JARID2: variants seen among roughly 807,000 people sequenced by gnomAD.
JARID2 encodes protein Jumonji.
JARID2 carries 21 observed loss-of-function variants against 125.6 expected under a neutral mutation model. The observed-to-expected ratio is 0.17, with a 90% confidence interval of 0.12 to 0.24. The LOEUF is 0.24. Among genes scored for constraint, JARID2 ranks in the 10% least tolerant of loss-of-function variants. The pLI is 1.00. For synonymous variants in JARID2, 736 were observed against 661.6 expected (o/e 1.11, Z -1.73); for missense variants, 1,303 against 1,639.6 (o/e 0.79, Z 3.55).
chr6:15,282,842 C>T (rs900452884), intron 1 of JARID2, among the ~76,000 whole-genome samples: 11 of 152,206 alleles, frequency 7.2e-5, no homozygotes, highest in South Asian at 2.1e-4. Context: ...CTCAAGTGAT[C>T]GGTCCACCTC....
At chr6:15,341,826 A>T (rs1015653509) in intron 1 of JARID2, among the ~76,000 whole-genome samples, 3 of 152,242 alleles carry the variant, frequency 2.0e-5, no homozygotes, top group Non-Finnish European at 2.9e-5. Context: ...ATAGTTTAAT[A>T]TTATGGGAGG....
intron 1 of JARID2, among the ~76,000 whole-genome samples, chr6:15,345,642 G>C (rs1349511587): frequency 6.6e-6 from 1 of 152,120 alleles, no homozygotes; most frequent in Admixed American, 6.5e-5. Context: ...AAGACCATAA[G>C]TGCATTTTAT....
At chr6:15,396,215 T>TAAAACACCAAA (rs563578458) in intron 2 of JARID2, among the ~76,000 whole-genome samples, 1 of 152,316 alleles carries the variant, frequency 6.6e-6, no homozygotes, top group East Asian at 1.9e-4. Flanking sequence ...AAGCCAACAA[T>TAAAACACCAAA]ATATATTGAA....
chr6:15,326,483 G>A (rs764075308), intron 1 of JARID2, among the ~76,000 whole-genome samples: 4 of 152,140 alleles, frequency 2.6e-5, no homozygotes, highest in Non-Finnish European at 5.9e-5. Flanking sequence ...GAGCCACCAC[G>A]CCTGGCCTGT....
At position 15,484,225 on chromosome 6, in the gene JARID2, G is replaced by T. The variant is rs73724418; in HGVS notation, c.671-3082G>T. Reference sequence around the variant, plus strand: ...TGTATTTCTTTTTGCTCAGGCAGGTGATTAGCTACTCCTCTTTTTCCCATG... The same window carrying T: ...TGTATTTCTTTTTGCTCAGGCAGGTTATTAGCTACTCCTCTTTTTCCCATG... On this transcript the variant is annotated intron_variant, in intron 5 of 17. Coordinates refer to ENST00000341776, the MANE Select transcript of JARID2 (RefSeq NM_004973.4). Among the ~76,000 whole-genome samples, 354 of 152,338 alleles carry T rather than the reference G, an allele frequency of 2.3e-3. 3 individuals are homozygous for T. The highest frequency in any genetic ancestry group is 8.0e-3 in the African/African-American group (331 of 41,576).
intron 5 of JARID2, among the ~76,000 whole-genome samples, chr6:15,469,347 C>CTCTCTCTCTCCTG (rs1768932016): frequency 2.8e-5 from 1 of 36,118 alleles, no homozygotes; most frequent in South Asian, 1.4e-3. Flanking sequence ...CTGTCTCTCT[C>CTCTCTCTCTCCTG]TCTCTCTCTC....
intron 2 of JARID2, among the ~76,000 whole-genome samples, chr6:15,402,082 C>T (rs904202924): frequency 6.6e-6 from 1 of 152,084 alleles, no homozygotes; most frequent in Non-Finnish European, 1.5e-5. Flanking sequence ...CCAAGAGATT[C>T]CTTTTATCCT....
At chr6:15,388,577 A>G (rs896194845) in intron 2 of JARID2, among the ~76,000 whole-genome samples, 1 of 125,350 alleles carries the variant, frequency 8.0e-6, no homozygotes, top group African/African-American at 2.9e-5. Flanking sequence ...CTATTTTATA[A>G]TATATTATAA....
chr6:15,456,877 G>GTTTTT (rs1491156314), intron 4 of JARID2, among the ~76,000 whole-genome samples: 4 of 27,564 alleles, frequency 1.5e-4, no homozygotes, highest in Admixed American at 1.1e-3. Flanking sequence ...AGGATGTTAA[G>GTTTTT]CTTTTTTTTT....
chr6:15,390,926 G>A (rs1225170649), intron 2 of JARID2, among the ~76,000 whole-genome samples: 2 of 152,254 alleles, frequency 1.3e-5, no homozygotes, highest in African/African-American at 2.4e-5. Context: ...GTTGTTTTCC[G>A]TCTCAGAAAA....
chr6:15,362,708 G>T (rs1046187358), intron 1 of JARID2, among the ~76,000 whole-genome samples: 1 of 152,184 alleles, frequency 6.6e-6, no homozygotes, highest in African/African-American at 2.4e-5. Context: ...TGGTGACATG[G>T]ATGGTGTCAA....
At chr6:15,446,827 C>G (rs1479938533) in intron 3 of JARID2, among the ~76,000 whole-genome samples, 1 of 152,202 alleles carries the variant, frequency 6.6e-6, no homozygotes, top group African/African-American at 2.4e-5. Flanking sequence ...GCTGTGCTCA[C>G]AAGGCTTTGC....
rs62395373 is a variant in JARID2, at chr6:15,314,149, G to A, written c.46-59968G>A. 6.6e-5 allele frequency among the ~76,000 whole-genome samples: 10 copies of A among 152,298 alleles called. No homozygotes were observed. In the Middle Eastern group the frequency reaches 0.014, roughly 207 times the overall value. ...GCTCAGTTAGTGGATGGCAGAGGCT[G>A]TATTCAAATTAATCTTGATCCACTC... On this transcript the variant is annotated intron_variant, in intron 1 of 17. Coordinates refer to ENST00000341776, the MANE Select transcript of JARID2 (RefSeq NM_004973.4).
At chr6:15,376,710 C>T (rs965436584) in intron 2 of JARID2, among the ~76,000 whole-genome samples, 2 of 152,090 alleles carry the variant, frequency 1.3e-5, no homozygotes, top group South Asian at 2.1e-4. Flanking sequence ...GGCAACAGAG[C>T]GAGACTCTCT....
At chr6:15,490,551 G>A (rs1213657104) in intron 6 of JARID2, among the ~76,000 whole-genome samples, 1 of 152,160 alleles carries the variant, frequency 6.6e-6, no homozygotes, top group Non-Finnish European at 1.5e-5. Context: ...CTCTGGCCCC[G>A]GCCGTTTACT....
At chr6:15,301,779 C>A (rs1221862715) in intron 1 of JARID2, among the ~76,000 whole-genome samples, 1 of 152,166 alleles carries the variant, frequency 6.6e-6, no homozygotes, top group East Asian at 1.9e-4. Context: ...TGGGGCTGCC[C>A]TCTTTGGTAT....
intron 1 of JARID2, among the ~76,000 whole-genome samples, chr6:15,306,152 C>G: frequency 6.6e-6 from 1 of 152,038 alleles, no homozygotes; most frequent in East Asian, 1.9e-4. Context: ...TTTGAGATCA[C>G]AAGTGGCAGA....
chr6:15,517,303 AG>A, intron 17 of JARID2, 35 bp downstream of exon 17: 1 of 1,455,464 alleles, frequency 6.9e-7, no homozygotes, highest in Non-Finnish European at 9.6e-7. Context: ...GCAGGGCGGC[AG>A]CGTGGCGCCT....
intron 12 of JARID2, chr6:15,509,487 AT>A: frequency 5.8e-6 from 2 of 346,440 alleles, no homozygotes; most frequent in Non-Finnish European, 8.1e-6. Context: ...TCTGTGTGCC[AT>A]GGACGGTGAT....
Sources: gnomAD v4.1 joint callset for allele counts (sites outside exome capture counted in the v4.1 genomes callset) on GRCh38, gnomAD v4.1.1 for gene constraint, MANE v1.5 for transcripts, NCBI Gene and HGNC (gene_info 2026-07-23, HGNC 2026-07-21) for gene names.